The following KCNIP1 variants were observed in gnomAD, a reference collection of about 807,000 sequenced individuals.
KCNIP1 encodes potassium voltage-gated channel interacting protein 1.
KCNIP1 carries 18 observed loss-of-function variants against 33.0 expected under a neutral mutation model. That is an observed-to-expected ratio of 0.55 (90% CI 0.38 to 0.81). The LOEUF is 0.81. KCNIP1 is among the 30% of genes least tolerant of loss of function. The pLI is 0.00. For missense variants in KCNIP1, 238 were observed against 271.6 expected (o/e 0.88, Z 0.87); for synonymous variants, 93 against 98.3 (o/e 0.95, Z 0.32).
At chr5:170,466,892 G>C (rs1189070711) in intron 1 of KCNIP1, among the ~76,000 whole-genome samples, 1 of 152,170 alleles carries the variant, frequency 6.6e-6, no homozygotes, top group Non-Finnish European at 1.5e-5. Context: ...TCAGTCTATA[G>C]CAGGAGGAAT....
intron 1 of KCNIP1, among the ~76,000 whole-genome samples, chr5:170,469,948 AG>A: frequency 6.6e-6 from 1 of 152,356 alleles, no homozygotes; most frequent in African/African-American, 2.4e-5. Context: ...AATAAGAGAT[AG>A]GGACAGCAGA....
chr5:170,676,871 C>G (rs996634211), intron 1 of KCNIP1, among the ~76,000 whole-genome samples: 20 of 152,194 alleles, frequency 1.3e-4, no homozygotes, highest in African/African-American at 4.8e-4. Flanking sequence ...GAGGCCAATA[C>G]TCAAGTGAAG....
chr5:170,420,800 GTCT>G (rs112980345), intron 1 of KCNIP1, among the ~76,000 whole-genome samples: 8,399 of 152,140 alleles, frequency 0.055, 255 homozygotes, highest in South Asian at 0.1. Flanking sequence ...GAAATACTGC[GTCT>G]TCTTCTTCTC....
intron 1 of KCNIP1, among the ~76,000 whole-genome samples, chr5:170,652,012 A>G (rs542461728): frequency 1.3e-5 from 2 of 152,354 alleles, no homozygotes; most frequent in South Asian, 2.1e-4. Flanking sequence ...TTAAACCACC[A>G]GGAAGTTACT....
At chr5:170,644,339 T>C (rs1334248384) in intron 1 of KCNIP1, among the ~76,000 whole-genome samples, 1 of 152,214 alleles carries the variant, frequency 6.6e-6, no homozygotes, top group Non-Finnish European at 1.5e-5. Flanking sequence ...TGCGGGAGAC[T>C]CTTGAGCAGA....
At chr5:170,460,436 C>A (rs554655516) in intron 1 of KCNIP1, among the ~76,000 whole-genome samples, 1 of 152,184 alleles carries the variant, frequency 6.6e-6, no homozygotes, top group South Asian at 2.1e-4. Flanking sequence ...GCAAAAAATC[C>A]TTAACAAAAT....
intron 1 of KCNIP1, among the ~76,000 whole-genome samples, chr5:170,364,000 CTTTT>C (rs56966570): frequency 8.1e-5 from 11 of 134,974 alleles, no homozygotes; most frequent in South Asian, 2.4e-4. Flanking sequence ...AGTGTAATAT[CTTTT>C]TTTTTTTTTT....
chr5:170,671,660 T>G (rs1332596498), intron 1 of KCNIP1, among the ~76,000 whole-genome samples: 1 of 152,242 alleles, frequency 6.6e-6, no homozygotes, highest in Non-Finnish European at 1.5e-5. Context: ...TCATTGATTT[T>G]TAATCATTGT....
At chr5:170,656,223 C>G (rs181869344) in intron 1 of KCNIP1, among the ~76,000 whole-genome samples, 1 of 152,352 alleles carries the variant, frequency 6.6e-6, no homozygotes, top group Non-Finnish European at 1.5e-5. Context: ...TGAACAGCTT[C>G]CTCTCAGTTT....
chr5:170,589,794 T>TGCGGTGCA, intron 1 of KCNIP1, among the ~76,000 whole-genome samples: 1 of 113,164 alleles, frequency 8.8e-6, no homozygotes, highest in Non-Finnish European at 1.9e-5. Flanking sequence ...TGTGATGTGG[T>TGCGGTGCA]GTGCGGTGCG....
intron 1 of KCNIP1, among the ~76,000 whole-genome samples, chr5:170,393,242 C>A (rs982933468): frequency 2.8e-4 from 43 of 152,326 alleles, no homozygotes; most frequent in Middle Eastern, 3.4e-3. Flanking sequence ...ACACCCTCAG[C>A]TCAGTCTGTA....
intron 1 of KCNIP1, among the ~76,000 whole-genome samples, chr5:170,481,475 G>T (rs1756975411): frequency 6.6e-6 from 1 of 152,160 alleles, no homozygotes; most frequent in Non-Finnish European, 1.5e-5. Flanking sequence ...TCACATTAGT[G>T]TTCCCAGTTT....
intron 1 of KCNIP1, among the ~76,000 whole-genome samples, chr5:170,456,918 C>T (rs1321637852): frequency 6.6e-6 from 1 of 151,912 alleles, no homozygotes; most frequent in African/African-American, 2.4e-5. Context: ...TGAGGTTTCC[C>T]TATGTTGCCC....
chr5:170,379,833 T>G (rs548025755), intron 1 of KCNIP1, among the ~76,000 whole-genome samples: 1 of 151,876 alleles, frequency 6.6e-6, no homozygotes, highest in South Asian at 2.1e-4. Flanking sequence ...GTACCTGTAG[T>G]CCCAGCTACA....
intron 1 of KCNIP1, among the ~76,000 whole-genome samples, chr5:170,712,492 G>A (rs76719871): frequency 6.6e-6 from 1 of 152,198 alleles, no homozygotes; most frequent in Non-Finnish European, 1.5e-5. Context: ...GATTGTGGAG[G>A]GTATCTTATA....
intron 1 of KCNIP1, among the ~76,000 whole-genome samples, chr5:170,430,118 C>T (rs10475941): frequency 0.36 from 54,944 of 152,048 alleles, 10,016 homozygotes; most frequent in South Asian, 0.38. Flanking sequence ...CTTCAGCGAC[C>T]CTGCTCACCT....
At chr5:170,524,016 G>C (rs576274653) in intron 1 of KCNIP1, among the ~76,000 whole-genome samples, 18 of 152,194 alleles carry the variant, frequency 1.2e-4, no homozygotes, top group African/African-American at 4.1e-4. Context: ...CCAGTCCTCC[G>C]GCACAGCCCA....
intron 1 of KCNIP1, among the ~76,000 whole-genome samples, chr5:170,408,409 C>T (rs1301048096): frequency 6.6e-6 from 1 of 152,066 alleles, no homozygotes; most frequent in Non-Finnish European, 1.5e-5. Context: ...CTGCTCTCAC[C>T]ACGGGCTGAC....
intron 1 of KCNIP1, among the ~76,000 whole-genome samples, chr5:170,388,767 C>T (rs1452712091): frequency 2.6e-5 from 4 of 152,282 alleles, no homozygotes; most frequent in South Asian, 4.1e-4. Context: ...GACTGTGAAA[C>T]GAGAACCATG....
Sources: allele counts gnomAD v4.1 joint callset (sites outside exome capture counted in the v4.1 genomes callset), GRCh38; gene constraint gnomAD v4.1.1; transcripts MANE v1.5; gene names NCBI Gene and HGNC (gene_info 2026-07-23, HGNC 2026-07-21).